SYTL2: variants seen among roughly 807,000 people sequenced by gnomAD.
SYTL2 encodes synaptotagmin like 2.
Under a neutral mutation model 198.7 loss-of-function variants are expected in SYTL2, and 165 were observed. That is an observed-to-expected ratio of 0.83 (90% CI 0.73 to 0.94). SYTL2 has a LOEUF of 0.94. Among genes scored for constraint, SYTL2 ranks in the 40% least tolerant of loss-of-function variants. The pLI, the probability that SYTL2 is intolerant of heterozygous loss-of-function variation, is 0.00. For missense variants in SYTL2, 2,835 were observed against 2,582.8 expected, an observed-to-expected ratio of 1.10 and a Z score of -2.12; for synonymous variants, 966 against 917.7, an observed-to-expected ratio of 1.05 and a Z score of -0.95.
chr11:85,748,033 A>G (rs1226661683), intron 3 of SYTL2, among the ~76,000 whole-genome samples: 2 of 152,188 alleles, frequency 1.3e-5, no homozygotes, highest in East Asian at 3.8e-4. Flanking sequence ...CTATGCTACT[A>G]TAATTCAACA....
At chr11:85,823,834 T>C in the SYTL2 span, among the ~76,000 whole-genome samples, 3 of 152,228 alleles carry the variant, frequency 2.0e-5, no homozygotes, top group Non-Finnish European at 4.4e-5. Flanking sequence ...ACTCAAAAGT[T>C]TTCAAGATGC....
At chr11:85,849,114 T>G in the SYTL2 span, among the ~76,000 whole-genome samples, 2 of 152,232 alleles carry the variant, frequency 1.3e-5, no homozygotes, top group Admixed American at 6.5e-5. Context: ...TTCTTAAAGG[T>G]AGCATATACT....
chr11:85,740,187 T>C (rs1290355417), intron 4 of SYTL2, among the ~76,000 whole-genome samples: 1 of 152,186 alleles, frequency 6.6e-6, no homozygotes, highest in Non-Finnish European at 1.5e-5. Flanking sequence ...TCTGCCCCAA[T>C]ATACTTCCCA....
At chr11:85,769,862 A>G (rs1343172027) in intron 1 of SYTL2, among the ~76,000 whole-genome samples, 1 of 152,168 alleles carries the variant, frequency 6.6e-6, no homozygotes, top group Non-Finnish European at 1.5e-5. Context: ...CCGTGGTGGT[A>G]GGCTGGGCAG....
At position 85,727,517 on chromosome 11, in the gene SYTL2, T is replaced by G; in HGVS notation, c.1841A>C (p.Lys614Thr). 1 of 1,536,068 alleles carries G rather than the reference T, an allele frequency of 6.5e-7. No individual in the cohort carries two copies. The highest frequency in any genetic ancestry group is 8.7e-7 in the Non-Finnish European group (1 of 1,146,884). The change falls in exon 8 of 20, where the codon AAA (lysine) becomes ACA (threonine). Residue 614 changes from lysine to threonine, a missense_variant. Physicochemically the swap from Lys to Thr is moderately conservative, Grantham distance 78. Transcript: ENST00000359152. ...GCCTTTTTGGGACAAATTCATGAAT[T>G]TGGATTTGATATTCACATTATTATC... ...CQDNNVNIKSKFMNLSQKGTP... is the reference protein window; with the variant it reads ...CQDNNVNIKSTFMNLSQKGTP...
chr11:85,850,333 AAAAC>A, the SYTL2 span, among the ~76,000 whole-genome samples: 2 of 152,316 alleles, frequency 1.3e-5, no homozygotes, highest in South Asian at 2.1e-4. Context: ...TTACAAGAAA[AAAAC>A]AAACAACCCC....
intron 9 of SYTL2, 132 bp downstream of exon 9, chr11:85,720,726 G>T: frequency 3.3e-6 from 2 of 598,392 alleles, no homozygotes; most frequent in Non-Finnish European, 3.0e-6. Context: ...CTTTGGAGAG[G>T]TTATTTTCAT....
chr11:85,733,941 G>A lies in SYTL2; in HGVS notation c.1388C>T (p.Ala463Val). ...RLESVLPRSPADELSHCVEPE... is the reference protein window; with the variant it reads ...RLESVLPRSPVDELSHCVEPE... Reference sequence around the variant, plus strand: ...TCTAGTAGTGACAACTCTCTTACCAGCAGGGCTTCTGGGTAATACAGATTC... The same window carrying A: ...TCTAGTAGTGACAACTCTCTTACCAACAGGGCTTCTGGGTAATACAGATTC... The change falls in exon 7 of 20, where the codon GCT (alanine) becomes GTT (valine). Residue 463 changes from alanine to valine, a missense_variant and splice_region_variant. Coordinates refer to ENST00000359152, the MANE Select transcript of SYTL2 (RefSeq NM_206927.4). The A allele has an allele frequency of 6.2e-7, 1 of 1,613,338 alleles. No homozygotes were observed. The highest frequency in any genetic ancestry group is 1.1e-5 in the South Asian group (1 of 90,984).
At chr11:85,699,429 T>A (rs535472140) in intron 17 of SYTL2, among the ~76,000 whole-genome samples, 2 of 152,316 alleles carry the variant, frequency 1.3e-5, no homozygotes, top group East Asian at 3.9e-4. Context: ...GGGATTTCTA[T>A]GAATGTTGAC....
At chr11:85,773,959 T>C (rs553186048) in intron 1 of SYTL2, among the ~76,000 whole-genome samples, 2 of 54,700 alleles carry the variant, frequency 3.7e-5, no homozygotes, top group Non-Finnish European at 7.2e-5. Flanking sequence ...TCCAGCTATG[T>C]GGTTTTTTCT....
chr11:85,756,496 T>C (rs1180733883), intron 2 of SYTL2, among the ~76,000 whole-genome samples: 1 of 152,114 alleles, frequency 6.6e-6, no homozygotes, highest in African/African-American at 2.4e-5. Context: ...GGGATTTGAT[T>C]CTCACTTCTG....
At position 85,725,519 on chromosome 11, in the gene SYTL2, G is replaced by T. The variant is rs751698356; in HGVS notation, c.3839C>A (p.Thr1280Lys). The T allele has an allele frequency of 8.9e-5, 144 of 1,613,932 alleles. No homozygotes were observed. In the Admixed American group the frequency reaches 2.4e-3, roughly 27 times the overall value. Reference sequence around the variant, plus strand: ...ACTTTCAGCTTTCTTGAGGAGAGCTGTATTTCCAAAAGTTTCATCTCTCAC... The same window carrying T: ...ACTTTCAGCTTTCTTGAGGAGAGCTTTATTTCCAAAAGTTTCATCTCTCAC... ...FPVRDETFGN[T>K]ALLKKAESGE... Residue 1280 changes from threonine to lysine, a missense_variant, in exon 8 of 20, where the codon ACA becomes AAA. Physicochemically the swap from Thr to Lys is moderately conservative, Grantham distance 78 (BLOSUM62 -1). Around this residue, in one of 3 missense-constraint regions of SYTL2, gnomAD observed 2,645 missense variants for 2,381.7 expected, o/e 1.11. Coordinates refer to ENST00000359152, the MANE Select transcript of SYTL2 (RefSeq NM_206927.4).
At chr11:85,729,768 CA>C (rs569074037) in intron 7 of SYTL2, among the ~76,000 whole-genome samples, 1 of 152,040 alleles carries the variant, frequency 6.6e-6, no homozygotes, top group Non-Finnish European at 1.5e-5. Context: ...GATAGTGACA[CA>C]AAAAACCCTT....
chr11:85,797,575 C>T (rs2092821515), intron 1 of SYTL2, among the ~76,000 whole-genome samples: 2 of 150,578 alleles, frequency 1.3e-5, no homozygotes, highest in Admixed American at 6.6e-5. Context: ...TTGCAGTGAG[C>T]TGAGATCAGC....
intron 10 of SYTL2, 112 bp from the exon 11 acceptor site, chr11:85,717,642 G>T: frequency 1.1e-6 from 1 of 883,454 alleles, no homozygotes. Flanking sequence ...GAATACATCT[G>T]ACAGGTTTTC....
chr11:85,759,245 CAAAAA>C (rs752168650), intron 1 of SYTL2, among the ~76,000 whole-genome samples: 1 of 58,578 alleles, frequency 1.7e-5, no homozygotes, highest in Non-Finnish European at 3.7e-5. Context: ...GACTCCTTAT[CAAAAA>C]AAAAAAAAAA....
At chr11:85,794,609 A>C (rs1003045220) in intron 1 of SYTL2, among the ~76,000 whole-genome samples, 1 of 152,178 alleles carries the variant, frequency 6.6e-6, no homozygotes, top group African/African-American at 2.4e-5. Context: ...TCTCTCCATG[A>C]ATTATCCCTT....
intron 14 of SYTL2, among the ~76,000 whole-genome samples, chr11:85,708,727 T>C (rs2085663973): frequency 6.6e-6 from 1 of 151,942 alleles, no homozygotes; most frequent in Non-Finnish European, 1.5e-5. Context: ...TTCACATATA[T>C]GGGTTACTTG....
At chr11:85,801,281 C>T (rs2092882963) in intron 1 of SYTL2, among the ~76,000 whole-genome samples, 1 of 152,016 alleles carries the variant, frequency 6.6e-6, no homozygotes, top group Non-Finnish European at 1.5e-5. Flanking sequence ...AAAAAGGGGC[C>T]TTAAACTTTT....
Sources: gnomAD v4.1 joint callset for allele counts (sites outside exome capture counted in the v4.1 genomes callset) on GRCh38, gnomAD v4.1.1 for gene constraint, gnomAD v4.1.1 regional missense constraint, MANE v1.5 for transcripts, NCBI Gene and HGNC (gene_info 2026-07-23, HGNC 2026-07-21) for gene names.